The following EPB41L3 variants were observed in gnomAD, a reference collection of about 807,000 sequenced individuals.
EPB41L3 encodes erythrocyte membrane protein band 4.1 like 3, also known as band 4.1-like protein 3.
Under a neutral mutation model 127.1 loss-of-function variants are expected in EPB41L3, and 57 were observed. The ratio of observed to expected loss-of-function variants is 0.45; its 90% confidence interval spans 0.36 to 0.56. The LOEUF is 0.56. EPB41L3 is among the 20% of genes least tolerant of loss of function. The probability of loss-of-function intolerance (pLI) is 0.00; values close to 1 mark genes in which losing one functional copy is unlikely to be tolerated. For missense variants in EPB41L3, 1,273 were observed against 1,372.2 expected (o/e 0.93, Z 1.14); for synonymous variants, 572 against 549.5 (o/e 1.04, Z -0.57).
chr18:5,579,065 T>A (rs2094365232), intron 3 of EPB41L3, among the ~76,000 whole-genome samples: 3 of 152,130 alleles, frequency 2.0e-5, no homozygotes, highest in Admixed American at 2.0e-4. Context: ...CACTGGAATA[T>A]TAAACAATAG....
chr18:5,619,935 A>G (rs1299903366), intron 1 of EPB41L3, among the ~76,000 whole-genome samples: 1 of 152,214 alleles, frequency 6.6e-6, no homozygotes, highest in African/African-American at 2.4e-5. Flanking sequence ...TATTAGATCA[A>G]TGTGATCAAT....
At chr18:5,484,310 T>A (rs72868421) in intron 2 of EPB41L3, among the ~76,000 whole-genome samples, 6,197 of 150,046 alleles carry the variant, frequency 0.041, 230 homozygotes, top group Non-Finnish European at 0.063. Flanking sequence ...AAAATGTAAA[T>A]ACAAGATAAA....
At chr18:5,465,466 A>G (rs2084791279) in intron 3 of EPB41L3, among the ~76,000 whole-genome samples, 1 of 152,232 alleles carries the variant, frequency 6.6e-6, no homozygotes, top group Non-Finnish European at 1.5e-5. Flanking sequence ...TCTAAATAGT[A>G]TGAAGGTTCT....
At chr18:5,466,916 A>T (rs1336257951) in intron 3 of EPB41L3, among the ~76,000 whole-genome samples, 1 of 152,202 alleles carries the variant, frequency 6.6e-6, no homozygotes, top group Non-Finnish European at 1.5e-5. Flanking sequence ...ATGCTAACTA[A>T]GGGGAGATAA....
chr18:5,592,017 A>G (rs372872600), intron 3 of EPB41L3, among the ~76,000 whole-genome samples: 13 of 152,198 alleles, frequency 8.5e-5, no homozygotes, highest in African/African-American at 3.1e-4. Context: ...GCTTTAGACC[A>G]TGGTGAAATT....
At chr18:5,452,713 G>A (rs1963825) in intron 3 of EPB41L3, among the ~76,000 whole-genome samples, 112,360 of 151,950 alleles carry the variant, frequency 0.74, 41,646 homozygotes, top group East Asian at 0.84. Context: ...CGAAAGAAAC[G>A]CAAAAACACT....
intron 3 of EPB41L3, chr18:5,610,265 A>T (rs1378500709): frequency 1.0e-6 from 1 of 985,316 alleles, no homozygotes; most frequent in Non-Finnish European, 1.2e-6. Context: ...AAAATACTTT[A>T]GACATTGTTC....
At chr18:5,580,209 A>G (rs959192085) in intron 3 of EPB41L3, among the ~76,000 whole-genome samples, 3 of 152,196 alleles carry the variant, frequency 2.0e-5, no homozygotes, top group African/African-American at 7.2e-5. Flanking sequence ...TAGATACACA[A>G]AAATGGGGTA....
chr18:5,432,436 T>C (rs1340048982), intron 8 of EPB41L3, among the ~76,000 whole-genome samples: 2 of 152,176 alleles, frequency 1.3e-5, no homozygotes, highest in Non-Finnish European at 2.9e-5. Context: ...ACAGGAACAA[T>C]GTCATCCTGT....
At position 5,418,038 on chromosome 18, in the gene EPB41L3, C is replaced by T. The variant is rs184663547; in HGVS notation, c.1507-1660G>A. On this transcript the variant is annotated intron_variant, in intron 12 of 22. Transcript: ENST00000341928. ...TTGGTTGAAAAGTAAGTACCCTCTG[C>T]GTTACTTTTTGAAGAAGGAGAAGGA... 2.1e-3 allele frequency among the ~76,000 whole-genome samples: 316 copies of T among 152,262 alleles called. 3 individuals are homozygous for T. Among genetic ancestry groups the T allele is most frequent in the Non-Finnish European group, 3.6e-3 (243 of 68,008 alleles).
upstream of EPB41L3, among the ~76,000 whole-genome samples, chr18:5,629,677 A>AG (rs1395827177): frequency 6.6e-6 from 1 of 152,028 alleles, no homozygotes; most frequent in Admixed American, 6.5e-5. Flanking sequence ...TTCGAGCTGC[A>AG]GGGGGGCGGG....
intron 3 of EPB41L3, among the ~76,000 whole-genome samples, chr18:5,476,182 C>A (rs2087181007): frequency 6.6e-6 from 1 of 152,136 alleles, no homozygotes; most frequent in Admixed American, 6.6e-5. Context: ...ATTTCTCCAT[C>A]TTCTTCACAA....
chr18:5,415,588 T>C (rs1347416944), intron 13 of EPB41L3, among the ~76,000 whole-genome samples: 1 of 152,202 alleles, frequency 6.6e-6, no homozygotes, highest in Non-Finnish European at 1.5e-5. Flanking sequence ...TAGAACTCAG[T>C]GGGTAGCAGA....
At chr18:5,497,161 G>T (rs996298249) in intron 1 of EPB41L3, among the ~76,000 whole-genome samples, 3 of 152,200 alleles carry the variant, frequency 2.0e-5, no homozygotes, top group Non-Finnish European at 4.4e-5. Context: ...AATGCAGGGG[G>T]TGTGAGGAAG....
intron 4 of EPB41L3, among the ~76,000 whole-genome samples, 162 bp downstream of exon 4, chr18:5,444,978 A>G (rs2081279997): frequency 6.6e-6 from 1 of 152,218 alleles, no homozygotes; most frequent in Non-Finnish European, 1.5e-5. Flanking sequence ...GATTTCCTTC[A>G]TCAAGGAATA....
chr18:5,578,814 G>A (rs1329703268), intron 3 of EPB41L3, among the ~76,000 whole-genome samples: 6 of 152,188 alleles, frequency 3.9e-5, no homozygotes, highest in Admixed American at 3.9e-4. Flanking sequence ...ATTCTAATGA[G>A]AGTGAAAAAC....
chr18:5,612,681 T>A (rs1280550068), intron 2 of EPB41L3, among the ~76,000 whole-genome samples: 1 of 152,204 alleles, frequency 6.6e-6, no homozygotes, highest in Non-Finnish European at 1.5e-5. Context: ...AAAAGGAATA[T>A]ATTGGTGCAT....
intron 16 of EPB41L3, chr18:5,399,106 C>A: frequency 2.5e-6 from 1 of 399,068 alleles, no homozygotes; most frequent in Non-Finnish European, 4.4e-6. Flanking sequence ...ACTTTCTCAC[C>A]CTCTTTAGCT....
chr18:5,517,642 T>C (rs1361701493), intron 1 of EPB41L3, among the ~76,000 whole-genome samples: 2 of 152,108 alleles, frequency 1.3e-5, no homozygotes, highest in Non-Finnish European at 2.9e-5. Context: ...TTCACCACGT[T>C]GGCCAGGCTA....
Sources: gnomAD v4.1 joint callset for allele counts (sites outside exome capture counted in the v4.1 genomes callset) on GRCh38, gnomAD v4.1.1 for gene constraint, MANE v1.5 for transcripts, NCBI Gene and HGNC (gene_info 2026-07-23, HGNC 2026-07-21) for gene names.